ELMOD1: variants seen among roughly 807,000 people sequenced by gnomAD.
ELMOD1 encodes ELMO domain-containing protein 1.
In ELMOD1, 21 loss-of-function variants were observed where a neutral mutation model predicts 46.7. That is an observed-to-expected ratio of 0.45 (90% confidence interval 0.32 to 0.65). ELMOD1 has a LOEUF of 0.65. Among genes scored for constraint, ELMOD1 ranks in the 30% least tolerant of loss-of-function variants. The pLI is 0.04. For missense variants in ELMOD1, 348 were observed against 407.8 expected (o/e 0.85, Z 1.26); for synonymous variants, 122 against 138.2 (o/e 0.88, Z 0.82).
chr11:107,647,407 A>C (rs1866449085), intron 6 of ELMOD1, 61 bp from the exon 7 acceptor site: 2 of 1,521,650 alleles, frequency 1.3e-6, no homozygotes, highest in Non-Finnish European at 1.8e-6. Context: ...TGTAGTTTAC[A>C]AAATCTGAAC....
chr11:107,605,421 G>A (rs1299665071), intron 1 of ELMOD1, among the ~76,000 whole-genome samples: 1 of 152,110 alleles, frequency 6.6e-6, no homozygotes, highest in African/African-American at 2.4e-5. Flanking sequence ...GGCTGGTCTT[G>A]AACTCCTGAC....
intron 5 of ELMOD1, among the ~76,000 whole-genome samples, chr11:107,633,823 A>G (rs994857116): frequency 7.2e-5 from 11 of 151,912 alleles, no homozygotes; most frequent in South Asian, 2.1e-4. Context: ...TCCATACTAC[A>G]TGGACTTTCT....
intron 9 of ELMOD1, among the ~76,000 whole-genome samples, chr11:107,651,550 A>ATAT (rs769522836): frequency 3.3e-5 from 5 of 152,188 alleles, no homozygotes; most frequent in Non-Finnish European, 7.3e-5. Flanking sequence ...TCATTAAGTC[A>ATAT]TATTACACTT....
chr11:107,604,487 G>A lies in ELMOD1; in HGVS notation c.-86+13078G>A, dbSNP rs568411827. ...TTCTTATGCAGAAGCATCACAGCCC[G>A]GAATTTGGAAGTAAGTAGGCTTCAG... is the stretch of plus-strand genomic sequence containing the variant. On this transcript the variant is annotated intron_variant, in intron 1 of 11. Coordinates refer to ENST00000265840, the MANE Select transcript of ELMOD1 (RefSeq NM_018712.4). Among the ~76,000 whole-genome samples, 7 of 152,170 alleles carry A rather than the reference G, an allele frequency of 4.6e-5. No homozygotes were observed. In the East Asian group the frequency reaches 7.7e-4, roughly 17 times the overall value.
At chr11:107,622,982 A>G (rs1249589733) in intron 2 of ELMOD1, among the ~76,000 whole-genome samples, 2 of 152,162 alleles carry the variant, frequency 1.3e-5, no homozygotes, top group Non-Finnish European at 2.9e-5. Context: ...ACACATATAT[A>G]TTTTTATTAT....
At chr11:107,623,099 A>G (rs1408312442) in intron 2 of ELMOD1, among the ~76,000 whole-genome samples, 1 of 152,106 alleles carries the variant, frequency 6.6e-6, no homozygotes, top group African/African-American at 2.4e-5. Context: ...AACATTAGGT[A>G]TATCTCCTAA....
chr11:107,631,399 C>CA (rs1866135475), intron 4 of ELMOD1, among the ~76,000 whole-genome samples, 181 bp from the exon 5 acceptor site: 3 of 20,114 alleles, frequency 1.5e-4, no homozygotes, highest in South Asian at 1.2e-3. Context: ...ATTGCACTAC[C>CA]CCCCCCCCCA....
At chr11:107,606,435 T>C (rs1306254172) in intron 1 of ELMOD1, among the ~76,000 whole-genome samples, 1 of 152,208 alleles carries the variant, frequency 6.6e-6, no homozygotes, top group African/African-American at 2.4e-5. Context: ...CAGGCTTATT[T>C]TGGAGAACTT....
rs1565395717 is a variant in ELMOD1, at chr11:107,665,970, TAAATAAATAAA to T, written c.*774_*784del. 90 of 116,306 alleles carry T rather than the reference TAAATAAATAAA, an allele frequency of 7.7e-4. No individual in the cohort carries two copies. Among genetic ancestry groups the T allele is most frequent in the South Asian group, 2.1e-3 (7 of 3,324 alleles). 7.2% of individuals were successfully genotyped at this position (116,306 alleles called of 1,614,324 possible). A position where few individuals can be genotyped will look rare whatever the true frequency, so the allele number is the denominator to read the frequency against. On this transcript the variant is annotated 3_prime_UTR_variant, in exon 12 of 12. Coordinates refer to ENST00000265840, the MANE Select transcript of ELMOD1 (RefSeq NM_018712.4). ...AGCAAGACTCCATCTCAAAAATAAATAAATAAATAAATAAATAAATAAATAAATAAATAAAT... is the reference window on the plus strand; with the variant it reads ...AGCAAGACTCCATCTCAAAAATAAATTAAATAAATAAATAAATAAATAAAT...
At chr11:107,603,468 G>A (rs541291149) in intron 1 of ELMOD1, among the ~76,000 whole-genome samples, 1 of 152,160 alleles carries the variant, frequency 6.6e-6, no homozygotes, top group African/African-American at 2.4e-5. Context: ...AAACCCAGGC[G>A]GTGGAGGTTG....
chr11:107,649,516 C>T (rs1002480360), intron 7 of ELMOD1, among the ~76,000 whole-genome samples: 10 of 152,208 alleles, frequency 6.6e-5, no homozygotes, highest in South Asian at 2.1e-4. Context: ...TTTAGACGCA[C>T]TGAGCCAAAA....
chr11:107,603,305 A>G (rs1865633644), intron 1 of ELMOD1, among the ~76,000 whole-genome samples: 1 of 152,236 alleles, frequency 6.6e-6, no homozygotes, highest in Non-Finnish European at 1.5e-5. Context: ...TTGGGAGGCC[A>G]AGGTGGGCAC....
intron 1 of ELMOD1, among the ~76,000 whole-genome samples, chr11:107,608,027 A>G (rs1003375668): frequency 1.3e-5 from 2 of 149,756 alleles, no homozygotes; most frequent in Admixed American, 1.3e-4. Flanking sequence ...CTAAAAAAAA[A>G]AAAAAAGAAA....
chr11:107,626,788 T>C (rs550294972), intron 2 of ELMOD1, among the ~76,000 whole-genome samples: 64 of 152,320 alleles, frequency 4.2e-4, no homozygotes, highest in African/African-American at 1.5e-3. Context: ...TAGTTAATCA[T>C]TTTTATTGTT....
intron 1 of ELMOD1, among the ~76,000 whole-genome samples, chr11:107,617,171 C>G (rs994172388): frequency 7.2e-5 from 11 of 152,094 alleles, no homozygotes; most frequent in African/African-American, 2.7e-4. Flanking sequence ...ACAGTTTTTT[C>G]AAGCATGTAT....
chr11:107,614,366 G>A (rs574102666), intron 1 of ELMOD1, among the ~76,000 whole-genome samples: 4 of 152,052 alleles, frequency 2.6e-5, no homozygotes, highest in East Asian at 3.9e-4. Context: ...GTTTTGAGAC[G>A]GAGTCTCTGT....
chr11:107,635,196 TG>T (rs200712970), intron 5 of ELMOD1, among the ~76,000 whole-genome samples: 4 of 152,168 alleles, frequency 2.6e-5, no homozygotes, highest in Non-Finnish European at 4.4e-5. Context: ...TATGACCACC[TG>T]GGGGGTGCTA....
At chr11:107,663,659 G>T (rs1421944635) in intron 11 of ELMOD1, among the ~76,000 whole-genome samples, 1 of 152,144 alleles carries the variant, frequency 6.6e-6, no homozygotes, top group East Asian at 1.9e-4. Flanking sequence ...CATGTGTGTT[G>T]GGGGCAGTGA....
chr11:107,599,689 C>T (rs1352360114), intron 1 of ELMOD1, among the ~76,000 whole-genome samples: 1 of 135,734 alleles, frequency 7.4e-6, no homozygotes, highest in East Asian at 2.3e-4. Flanking sequence ...TTACAATGAG[C>T]CAAGATTGTG....
Sources: gnomAD v4.1 joint callset for allele counts (sites outside exome capture counted in the v4.1 genomes callset) on GRCh38, gnomAD v4.1.1 for gene constraint, MANE v1.5 for transcripts, NCBI Gene and HGNC (gene_info 2026-07-23, HGNC 2026-07-21) for gene names.